Variants in DLGAP2 observed in about 807,000 individuals in gnomAD.
DLGAP2 encodes the protein disks large-associated protein 2.
In DLGAP2, 26 loss-of-function variants were observed where a neutral mutation model predicts 100.3. That is an observed-to-expected ratio of 0.26 (90% CI 0.19 to 0.36). DLGAP2 has a LOEUF of 0.36. DLGAP2 is among the 10% of genes least tolerant of loss of function. The pLI is 1.00. For synonymous variants in DLGAP2, 886 were observed against 630.1 expected (o/e 1.41, Z -6.08); for missense variants, 1,858 against 1,453.2 (o/e 1.28, Z -4.53).
At chr8:1,223,473 C>G (rs1030960055) in intron 2 of DLGAP2, among the ~76,000 whole-genome samples, 2 of 152,208 alleles carry the variant, frequency 1.3e-5, no homozygotes, top group Non-Finnish European at 1.5e-5. Context: ...ATTTCTCTTT[C>G]TTCTACAAGA....
rs369508340 is a variant in DLGAP2 at position 932,883 on chromosome 8, A to T, written c.73+24917A>T. Among the ~76,000 whole-genome samples the T allele has an allele frequency of 2.6e-5, 4 of 152,330 alleles. No individual in the cohort carries two copies. The East Asian group carries it at 5.8e-4, about 22-fold the overall frequency. ...AACAGTTTGAAAAAGATCAGTCAGC[A>T]TTTCACATTCCTGATTGAAAACATA... On this transcript the variant is annotated intron_variant, in intron 2 of 14. Transcript: ENST00000637795.
At chr8:1,114,822 G>A (rs983757182) in intron 2 of DLGAP2, among the ~76,000 whole-genome samples, 4 of 152,106 alleles carry the variant, frequency 2.6e-5, no homozygotes, top group Non-Finnish European at 4.4e-5. Context: ...ACTTTTTGAT[G>A]TGGCATTTAG....
At chr8:1,515,001 G>A (rs1800311776) in intron 4 of DLGAP2, among the ~76,000 whole-genome samples, 1 of 151,612 alleles carries the variant, frequency 6.6e-6, no homozygotes, top group Non-Finnish European at 1.5e-5. Context: ...TGACGTGGAG[G>A]GAGACCGACA....
intron 1 of DLGAP2, among the ~76,000 whole-genome samples, chr8:770,848 T>C (rs749927191): frequency 1.3e-5 from 2 of 151,070 alleles, no homozygotes; most frequent in African/African-American, 4.8e-5. Context: ...CTCATAAACC[T>C]AATTTTGGTT....
chr8:1,378,453 GCACACCTGACTTCGCCTGTCCATCCTGCA>G (rs1563115685), intron 3 of DLGAP2, among the ~76,000 whole-genome samples: 3 of 138,330 alleles, frequency 2.2e-5, no homozygotes, highest in African/African-American at 5.5e-5. Flanking sequence ...TCCATCCTGC[GCACACCTGACTTCGCCTGTCCATCCTGCA>G]CACACCTGGC....
chr8:1,476,787 C>G (rs1435569984), intron 3 of DLGAP2, among the ~76,000 whole-genome samples: 1 of 151,488 alleles, frequency 6.6e-6, no homozygotes, highest in East Asian at 1.9e-4. Context: ...CCCACCAGCC[C>G]CTTCTGCAGA....
chr8:740,319 T>C (rs911080444), intron 1 of DLGAP2: 3 of 152,376 alleles, frequency 2.0e-5, no homozygotes, highest in Middle Eastern at 3.4e-3. Flanking sequence ...TTTGCACTTA[T>C]GATTGTCCAA....
At chr8:943,165 A>T (rs1351347666) in intron 2 of DLGAP2, among the ~76,000 whole-genome samples, 1 of 152,198 alleles carries the variant, frequency 6.6e-6, no homozygotes, top group Non-Finnish European at 1.5e-5. Context: ...GGGCTATTTT[A>T]TACCAGACCA....
chr8:1,226,478 C>T (rs910565698), intron 2 of DLGAP2, among the ~76,000 whole-genome samples: 7 of 152,032 alleles, frequency 4.6e-5, no homozygotes, highest in African/African-American at 9.6e-5. Flanking sequence ...TGTCAGGGGG[C>T]AAGGGGGAGG....
In DLGAP2 at chr8:895,136, A is replaced by C. The variant is rs4735953; in HGVS notation, c.19-12776A>C. On this transcript the variant is annotated intron_variant, in intron 1 of 14. Coordinates refer to ENST00000637795, the MANE Select transcript of DLGAP2 (RefSeq NM_001346810.2). ...GCAGTTAATAATAACACAGAGCTGC[A>C]TATTTCAGAACAGCCAGAAGAGGGG... 8.1e-4 allele frequency among the ~76,000 whole-genome samples: 123 copies of C among 151,960 alleles called. 1 individual carries two copies. The highest frequency in any genetic ancestry group is 1.9e-3 in the Admixed American group (29 of 15,276).
chr8:1,668,420 C>T lies in DLGAP2; in HGVS notation c.1902C>T (p.Ser634=), dbSNP rs1798600156. ...TGATCTCGGTGACGGCGCAGAGCAG[C>T]ACCGAATCCACCCAGGACGCCTACC... ...KPLISVTAQS[S]TESTQDAYQD... Residue 634 remains serine, a synonymous_variant, in exon 9 of 15, where the codon AGC becomes AGT. Transcript: ENST00000637795. The T allele has an allele frequency of 1.2e-6, 2 of 1,603,946 alleles. No homozygotes were observed. The highest frequency in any genetic ancestry group is 1.1e-5 in the South Asian group (1 of 89,106).
intron 1 of DLGAP2, among the ~76,000 whole-genome samples, chr8:779,675 G>T (rs1821635098): frequency 6.6e-6 from 1 of 151,648 alleles, no homozygotes; most frequent in African/African-American, 2.4e-5. Flanking sequence ...AATGTTTTCT[G>T]GTTTCTAGAA....
At chr8:1,657,960 C>CTCTCT (rs1798321302) in intron 8 of DLGAP2, among the ~76,000 whole-genome samples, 1 of 152,114 alleles carries the variant, frequency 6.6e-6, no homozygotes, top group Non-Finnish European at 1.5e-5. Context: ...GAAAAGACTT[C>CTCTCT]CTTATGCTGA....
chr8:1,674,280 A>T (rs1798758922), intron 10 of DLGAP2, among the ~76,000 whole-genome samples: 1 of 152,174 alleles, frequency 6.6e-6, no homozygotes, highest in African/African-American at 2.4e-5. Flanking sequence ...CCTAGGCTCA[A>T]GTGATCCTCC....
intron 2 of DLGAP2, among the ~76,000 whole-genome samples, chr8:909,750 G>C (rs1340500939): frequency 1.3e-5 from 2 of 152,160 alleles, no homozygotes; most frequent in South Asian, 2.1e-4. Flanking sequence ...AGAAGAGAGA[G>C]GTGTTGGTTG....
intron 1 of DLGAP2, among the ~76,000 whole-genome samples, chr8:758,682 C>T (rs552863191): frequency 1.1e-4 from 16 of 152,266 alleles, no homozygotes; most frequent in Admixed American, 2.0e-4. Flanking sequence ...CCACCTCAGA[C>T]TCCTGAGTAG....
chr8:1,322,301 C>T (rs144549577), intron 3 of DLGAP2, among the ~76,000 whole-genome samples: 3 of 152,184 alleles, frequency 2.0e-5, no homozygotes, highest in African/African-American at 4.8e-5. Flanking sequence ...GAAAAAACTT[C>T]GAAATCTCAA....
chr8:1,303,808 G>A (rs991210869), intron 3 of DLGAP2, among the ~76,000 whole-genome samples: 3 of 152,168 alleles, frequency 2.0e-5, no homozygotes, highest in Admixed American at 6.5e-5. Context: ...CCAGCCCTGC[G>A]CTGCGCTGAG....
chr8:1,500,245 C>A (rs1231329721), intron 3 of DLGAP2, among the ~76,000 whole-genome samples: 1 of 152,266 alleles, frequency 6.6e-6, no homozygotes, highest in East Asian at 1.9e-4. Flanking sequence ...CCTCCTCAGG[C>A]CACTCCCCAC....
Sources: allele counts gnomAD v4.1 joint callset (sites outside exome capture counted in the v4.1 genomes callset), GRCh38; gene constraint gnomAD v4.1.1; transcripts MANE v1.5; gene names NCBI Gene and HGNC (gene_info 2026-07-23, HGNC 2026-07-21).